The following GLYATL2 variants were observed in gnomAD, a reference collection of about 807,000 sequenced individuals.
The protein encoded by GLYATL2 is glycine-N-acyltransferase like 2.
GLYATL2 carries 25 observed loss-of-function variants against 21.4 expected under a neutral mutation model. The observed-to-expected ratio is 1.17, with a 90% CI of 0.85 to 1.63. GLYATL2 has a LOEUF of 1.63. Among genes scored for constraint, GLYATL2 ranks in the 40% most tolerant of loss-of-function variants. The pLI, the probability that GLYATL2 is intolerant of heterozygous loss-of-function variation, is 0.00. For synonymous variants in GLYATL2, 114 were observed against 118.2 expected (o/e 0.96, Z 0.23); for missense variants, 361 against 343.3 (o/e 1.05, Z -0.41).
intron 1 of GLYATL2, among the ~76,000 whole-genome samples, chr11:58,859,215 A>C (rs535960): frequency 0.89 from 134,815 of 151,908 alleles, 60,981 homozygotes; most frequent in Non-Finnish European, 0.98. Flanking sequence ...ACCCCCATCC[A>C]TCAATAAGGA....
At chr11:58,856,737 T>A (rs566168761) in intron 1 of GLYATL2, among the ~76,000 whole-genome samples, 1 of 152,314 alleles carries the variant, frequency 6.6e-6, no homozygotes, top group African/African-American at 2.4e-5. Context: ...CTGTCTTATA[T>A]GGGTGCAGTT....
At chr11:58,840,761 C>T (rs1429668241) in intron 1 of GLYATL2, 3 of 151,482 alleles carry the variant, frequency 2.0e-5, no homozygotes, top group African/African-American at 4.9e-5. Flanking sequence ...ATTGCTTGAA[C>T]CAAGGAAGAG....
chr11:58,909,387 G>A, the GLYATL2 span, among the ~76,000 whole-genome samples: 1 of 152,138 alleles, frequency 6.6e-6, no homozygotes, highest in Non-Finnish European at 1.5e-5. Context: ...TATGTTAAGT[G>A]TTCTTATTAC....
rs116305486 is a variant in GLYATL2 at position 58,862,894 on chromosome 11, G to A, written n.61-24526C>T. Among the ~76,000 whole-genome samples the A allele has an allele frequency of 5.6e-3, 854 of 152,102 alleles. 6 individuals carry two copies. Among genetic ancestry groups the A allele is most frequent in the African/African-American group, 0.018 (747 of 41,468 alleles). ...CTTGATATTTAGGCTGTGCATTGGT[G>A]TCTGCACATTTGAAAAACAGGAAAG... On this transcript the variant is annotated intron_variant and non_coding_transcript_variant, in intron 1 of 4. Transcript: ENST00000533636.
chr11:58,907,670 A>G (rs143798528), upstream of GLYATL2: 7 of 197,194 alleles, frequency 3.5e-5, no homozygotes, highest in Non-Finnish European at 7.4e-5. Context: ...CACGTTTTAA[A>G]TACTTCCTGA....
chr11:58,903,746 C>T (rs575728377), intron 1 of GLYATL2, among the ~76,000 whole-genome samples: 106 of 152,238 alleles, frequency 7.0e-4, no homozygotes, highest in African/African-American at 2.5e-3. Context: ...CCTAGTTTCC[C>T]TCTCTTTCTC....
chr11:58,885,309 A>C (rs934619601), intron 1 of GLYATL2: 1 of 254,444 alleles, frequency 3.9e-6, no homozygotes, highest in African/African-American at 2.2e-5. Context: ...GATGCTGCTC[A>C]TCTCACCATT....
intron 1 of GLYATL2, among the ~76,000 whole-genome samples, chr11:58,881,127 C>T (rs1434478065): frequency 6.6e-6 from 1 of 152,146 alleles, no homozygotes; most frequent in African/African-American, 2.4e-5. Context: ...ATTAAAAAAA[C>T]TAACATATGT....
At chr11:58,850,402 G>A in intron 1 of GLYATL2, among the ~76,000 whole-genome samples, 1 of 151,884 alleles carries the variant, frequency 6.6e-6, no homozygotes, top group Middle Eastern at 3.2e-3. Flanking sequence ...AATAACAAGA[G>A]TTATACTAGA....
intron 1 of GLYATL2, chr11:58,885,130 C>G (rs1854413133): frequency 6.5e-6 from 1 of 153,424 alleles, no homozygotes; most frequent in African/African-American, 2.4e-5. Context: ...ATATTAGCAC[C>G]TACCTCTTAA....
intron 1 of GLYATL2, among the ~76,000 whole-genome samples, chr11:58,869,885 A>G (rs896920190): frequency 1.3e-5 from 2 of 152,170 alleles, no homozygotes; most frequent in African/African-American, 4.8e-5. Flanking sequence ...TTATAAAACT[A>G]TAACCAGGAG....
At chr11:58,840,266 A>C (rs1022183659) in intron 1 of GLYATL2, among the ~76,000 whole-genome samples, 1 of 152,194 alleles carries the variant, frequency 6.6e-6, no homozygotes, top group African/African-American at 2.4e-5. Context: ...AAAATAGACC[A>C]AACTCTTTTA....
intron 1 of GLYATL2, among the ~76,000 whole-genome samples, chr11:58,850,990 T>G (rs1853731326): frequency 6.6e-6 from 1 of 152,180 alleles, no homozygotes; most frequent in Non-Finnish European, 1.5e-5. Context: ...GAAAAGAGCA[T>G]AGAATAAATA....
intron 1 of GLYATL2, among the ~76,000 whole-genome samples, chr11:58,884,644 A>G (rs1283407214): frequency 6.6e-6 from 1 of 152,202 alleles, no homozygotes; most frequent in Non-Finnish European, 1.5e-5. Context: ...CAGAACTCTT[A>G]ATATTCACTT....
chr11:58,859,866 A>T (rs776283596), intron 1 of GLYATL2, among the ~76,000 whole-genome samples: 12 of 152,154 alleles, frequency 7.9e-5, no homozygotes, highest in Non-Finnish European at 1.8e-4. Context: ...GCATTTATTA[A>T]AGAGACTGTT....
chr11:58,899,405 A>G (rs1854693431), intron 1 of GLYATL2, among the ~76,000 whole-genome samples: 1 of 152,206 alleles, frequency 6.6e-6, no homozygotes, highest in South Asian at 2.1e-4. Flanking sequence ...AAACTAAACC[A>G]AAAATTAAAA....
At chr11:58,873,964 G>T (rs1239982881) in intron 1 of GLYATL2, among the ~76,000 whole-genome samples, 1 of 152,086 alleles carries the variant, frequency 6.6e-6, no homozygotes, top group Non-Finnish European at 1.5e-5. Context: ...CAATTTCAGA[G>T]GGTGTTATTG....
chr11:58,862,659 T>G (rs1402224826), intron 1 of GLYATL2, among the ~76,000 whole-genome samples: 1 of 152,234 alleles, frequency 6.6e-6, no homozygotes, highest in Non-Finnish European at 1.5e-5. Flanking sequence ...TTTTTATGAT[T>G]TCTCTTTGTT....
intron 1 of GLYATL2, among the ~76,000 whole-genome samples, chr11:58,900,895 A>C (rs1854726395): frequency 3.1e-5 from 2 of 64,244 alleles, no homozygotes; most frequent in South Asian, 1.2e-3. Context: ...GGAAGCTACC[A>C]TTGGCCTTAA....
Sources: gnomAD v4.1 joint callset for allele counts (sites outside exome capture counted in the v4.1 genomes callset) on GRCh38, gnomAD v4.1.1 for gene constraint, MANE v1.5 for transcripts, NCBI Gene and HGNC (gene_info 2026-07-23, HGNC 2026-07-21) for gene names.